Variants in PRKX observed in about 807,000 individuals in gnomAD.
PRKX encodes protein kinase cAMP-dependent X-linked catalytic subunit, also known as cAMP-dependent protein kinase catalytic subunit PRKX.
A neutral mutation model predicts 22.0 loss-of-function variants in PRKX; 12 were observed. The observed-to-expected ratio is 0.54, with a 90% CI of 0.35 to 0.88. The LOEUF is 0.88. PRKX is among the 40% of genes least tolerant of loss of function. The probability of loss-of-function intolerance (pLI) is 0.01; values close to 1 mark genes in which losing one functional copy is unlikely to be tolerated. For synonymous variants in PRKX, 134 were observed against 137.7 expected, an observed-to-expected ratio of 0.97 and a Z score of 0.19; for missense variants, 217 against 308.0, an observed-to-expected ratio of 0.70 and a Z score of 2.21.
At chrX:3,656,429 G>A (rs1459445265) in intron 2 of PRKX, among the ~76,000 whole-genome samples, 1 of 111,917 alleles carries the variant, frequency 8.9e-6, no homozygotes, top group Non-Finnish European at 1.9e-5. Flanking sequence ...GAGATGTTAG[G>A]ATATGGGTAT....
intron 2 of PRKX, among the ~76,000 whole-genome samples, chrX:3,674,126 G>C (rs1269296457): frequency 9.0e-6 from 1 of 111,170 alleles, no homozygotes; most frequent in Non-Finnish European, 1.9e-5. Flanking sequence ...ACCATCAGCT[G>C]GAAGTGTGTG....
chrX:3,656,495 G>A (rs192128216), intron 2 of PRKX, among the ~76,000 whole-genome samples: 6 of 111,442 alleles, frequency 5.4e-5, no homozygotes, highest in East Asian at 5.7e-4. Context: ...GATATGGGTG[G>A]AAGTAGATGT....
intron 1 of PRKX, among the ~76,000 whole-genome samples, chrX:3,677,547 A>T (rs1231331097): frequency 9.0e-6 from 1 of 110,604 alleles, no homozygotes; most frequent in Non-Finnish European, 1.9e-5. Flanking sequence ...AAAAAAAAAG[A>T]CCACAACCAT....
At chrX:3,624,707 C>T (rs1026085341) in intron 5 of PRKX, among the ~76,000 whole-genome samples, 3 of 110,864 alleles carry the variant, frequency 2.7e-5, no homozygotes, top group African/African-American at 9.8e-5. Flanking sequence ...GCAGCCTCGA[C>T]TTCCTGGGCT....
In PRKX at chrX:3,604,957, A is replaced by G. The variant is rs1359144487; in HGVS notation, c.*4012T>C. The G allele has an allele frequency of 9.2e-6, 1 of 108,512 alleles. No homozygotes were observed. Among genetic ancestry groups the G allele is most frequent in the Non-Finnish European group, 1.9e-5 (1 of 52,409 alleles). 8.9% of individuals were successfully genotyped at this position (108,512 alleles called of 1,213,427 possible). On this transcript the variant is annotated 3_prime_UTR_variant, in exon 9 of 9. Coordinates refer to ENST00000262848, the MANE Select transcript of PRKX (RefSeq NM_005044.5). ...GGGTGCAAGGCCATAAGGTTTGCAA[A>G]GCAAACTTGATTATGAAAAGGCTTG... is the stretch of plus-strand genomic sequence containing the variant.
chrX:3,710,253 C>T (rs779710756), intron 1 of PRKX, among the ~76,000 whole-genome samples: 10 of 111,845 alleles, frequency 8.9e-5, no homozygotes, highest in African/African-American at 3.2e-4. Flanking sequence ...GGCCTTTAGA[C>T]CAGACGTACT....
intron 8 of PRKX, among the ~76,000 whole-genome samples, chrX:3,609,229 T>C (rs1001550963): frequency 9.0e-6 from 1 of 111,552 alleles, no homozygotes. Context: ...TGGTGTGATC[T>C]CAGCTCACTG....
chrX:3,632,130 C>T (rs1397522234), intron 4 of PRKX, among the ~76,000 whole-genome samples: 2 of 112,043 alleles, frequency 1.8e-5, no homozygotes, highest in East Asian at 2.8e-4. Context: ...TGATTAGGTG[C>T]GTGCGACGTG....
intron 1 of PRKX, among the ~76,000 whole-genome samples, chrX:3,696,133 G>A (rs1312272822): frequency 9.1e-6 from 1 of 110,024 alleles, no homozygotes; most frequent in Non-Finnish European, 1.9e-5. Context: ...TTATTAAAGG[G>A]ACCCTAGAGA....
At chrX:3,615,096 G>A (rs763008230) in intron 7 of PRKX, among the ~76,000 whole-genome samples, 21 of 92,082 alleles carry the variant, frequency 2.3e-4, no homozygotes, top group Non-Finnish European at 3.6e-4. Flanking sequence ...TTGGCTCACT[G>A]CAACCTCCGC....
At chrX:3,644,234 C>CAAAAA (rs35016428) in intron 3 of PRKX, among the ~76,000 whole-genome samples, 3 of 45,083 alleles carry the variant, frequency 6.7e-5, no homozygotes, top group African/African-American at 9.9e-5. Flanking sequence ...CACTCCTTTA[C>CAAAAA]AAAAAAAAAA....
intron 2 of PRKX, among the ~76,000 whole-genome samples, chrX:3,673,172 G>C (rs1282474981): frequency 9.0e-6 from 1 of 111,240 alleles, no homozygotes; most frequent in African/African-American, 3.3e-5. Context: ...CTGTGTCCCG[G>C]GGACAGCAGG....
intron 2 of PRKX, among the ~76,000 whole-genome samples, chrX:3,672,243 C>T (rs1029013974): frequency 1.5e-4 from 17 of 110,722 alleles, no homozygotes; most frequent in Non-Finnish European, 2.6e-4. Context: ...TAAAAATAAA[C>T]CAACATAGGT....
At chrX:3,670,691 C>T (rs749805314) in intron 2 of PRKX, among the ~76,000 whole-genome samples, 162 of 110,446 alleles carry the variant, frequency 1.5e-3, no homozygotes, top group African/African-American at 5.0e-3. Flanking sequence ...GACTACAGGC[C>T]CCCCCACCAC....
intron 2 of PRKX, among the ~76,000 whole-genome samples, chrX:3,671,073 G>A (rs144787290): frequency 1.3e-3 from 145 of 110,431 alleles, no homozygotes; most frequent in Non-Finnish European, 1.4e-3. Context: ...GTCTTGCTCT[G>A]TCACCCAGGC....
rs778612722 is a variant in PRKX, at chrX:3,676,574, C to G, written c.167-1808G>C. ...TTCAGCCCTAAAAAAGAAGGAAACT[C>G]TGGCATTTGCAGCAACATGGATGGA... On this transcript the variant is annotated intron_variant, in intron 1 of 8. Coordinates refer to ENST00000262848, the MANE Select transcript of PRKX (RefSeq NM_005044.5). Among the ~76,000 whole-genome samples the G allele has an allele frequency of 9.8e-5, 11 of 112,405 alleles. No homozygotes were observed. In the South Asian group the frequency reaches 4.1e-3, roughly 42 times the overall value.
chrX:3,643,004 CAAAAAAAA>C (rs60090711), intron 3 of PRKX, among the ~76,000 whole-genome samples: 1 of 27,562 alleles, frequency 3.6e-5, no homozygotes, highest in African/African-American at 1.9e-4. Context: ...GACTCTCTCT[CAAAAAAAA>C]AAAAAAAAAA....
At chrX:3,614,498 T>C (rs1259661718) in intron 7 of PRKX, among the ~76,000 whole-genome samples, 2 of 111,021 alleles carry the variant, frequency 1.8e-5, no homozygotes, top group African/African-American at 6.6e-5. Flanking sequence ...AAAAAATAAA[T>C]AATAAATAAT....
intron 4 of PRKX, among the ~76,000 whole-genome samples, chrX:3,638,833 T>C (rs1312531287): frequency 2.8e-5 from 3 of 107,336 alleles, no homozygotes; most frequent in African/African-American, 6.8e-5. Flanking sequence ...AACAGTTACA[T>C]AGAAAGACAG....
Sources: gnomAD v4.1 joint callset for allele counts (sites outside exome capture counted in the v4.1 genomes callset) on GRCh38, gnomAD v4.1.1 for gene constraint, MANE v1.5 for transcripts, NCBI Gene and HGNC (gene_info 2026-07-23, HGNC 2026-07-21) for gene names.